Variants in ACYP2 observed in about 807,000 individuals in gnomAD.
The protein encoded by ACYP2 is acylphosphatase 2, also known as acylphosphatase-2.
Under a neutral mutation model 11.2 loss-of-function variants are expected in ACYP2, and 12 were observed. That is an observed-to-expected ratio of 1.08 (90% CI 0.69 to 1.74). The LOEUF (loss-of-function observed/expected upper bound fraction) is 1.74. Among genes scored for constraint, ACYP2 ranks in the 40% most tolerant of loss-of-function variants. ACYP2 has a pLI of 0.00. For missense variants in ACYP2, 134 were observed against 101.9 expected, an observed-to-expected ratio of 1.31 and a Z score of -1.35; for synonymous variants, 43 against 32.2, an observed-to-expected ratio of 1.33 and a Z score of -1.13.
rs555443940 is a variant in ACYP2 at position 54,073,204 on chromosome 2, G to A, written c.277+15844G>A. Among the ~76,000 whole-genome samples, 8 of 152,176 alleles carry A rather than the reference G, an allele frequency of 5.3e-5. No homozygotes were observed. In the South Asian group the frequency reaches 8.3e-4, roughly 16 times the overall value. ...TATCTACATACAAATGAATGAAGGC[G>A]GACTCTGACTTCACACCATATGTAA... is the stretch of plus-strand genomic sequence containing the variant. On this transcript the variant is annotated intron_variant, in intron 4 of 6. Coordinates refer to ENST00000607452, the MANE Select transcript of ACYP2 (RefSeq NM_001320586.2).
chr2:54,190,916 C>G (rs1338871195), intron 6 of ACYP2, among the ~76,000 whole-genome samples: 1 of 152,154 alleles, frequency 6.6e-6, no homozygotes, highest in Non-Finnish European at 1.5e-5. Context: ...GCAAAAGTCC[C>G]TTTCTTATAG....
intron 4 of ACYP2, among the ~76,000 whole-genome samples, chr2:54,061,824 G>A (rs28368466): frequency 0.15 from 22,040 of 151,942 alleles, 1,709 homozygotes; most frequent in African/African-American, 0.2. Context: ...CTGTAGTCCC[G>A]TCATTTTGAG....
intron 6 of ACYP2, among the ~76,000 whole-genome samples, chr2:54,200,076 T>C (rs1684693237): frequency 6.6e-6 from 1 of 152,248 alleles, no homozygotes; most frequent in Non-Finnish European, 1.5e-5. Flanking sequence ...GATATCTTTA[T>C]ACAGCTTTGC....
At chr2:54,233,741 T>G (rs1686346907) in intron 6 of ACYP2, among the ~76,000 whole-genome samples, 1 of 152,218 alleles carries the variant, frequency 6.6e-6, no homozygotes, top group South Asian at 2.1e-4. Flanking sequence ...TAAATTAACT[T>G]TCCATTTCTG....
chr2:54,180,651 C>T (rs1335182807), intron 6 of ACYP2, among the ~76,000 whole-genome samples: 1 of 152,110 alleles, frequency 6.6e-6, no homozygotes, highest in Non-Finnish European at 1.5e-5. Context: ...ACCTCCTGGG[C>T]TCAAACAATC....
At chr2:53,984,727 T>C (rs1671943147) in intron 2 of ACYP2, among the ~76,000 whole-genome samples, 1 of 151,654 alleles carries the variant, frequency 6.6e-6, no homozygotes, top group South Asian at 2.1e-4. Context: ...TAGTTCAATG[T>C]CAGAAAATCT....
chr2:54,261,290 A>ATAAT (rs144800312), intron 6 of ACYP2, among the ~76,000 whole-genome samples: 2,193 of 152,304 alleles, frequency 0.014, 49 homozygotes, highest in African/African-American at 0.048. Context: ...TATTCTGGCT[A>ATAAT]TAATTTTTTT....
intron 6 of ACYP2, among the ~76,000 whole-genome samples, chr2:54,226,574 C>T (rs1686020401): frequency 6.6e-6 from 1 of 152,184 alleles, no homozygotes; most frequent in Non-Finnish European, 1.5e-5. Flanking sequence ...ATTTCTTAGG[C>T]TTGGGTCACA....
intron 6 of ACYP2, among the ~76,000 whole-genome samples, chr2:54,157,425 T>C (rs1006615625): frequency 1.7e-4 from 26 of 152,320 alleles, no homozygotes; most frequent in African/African-American, 6.0e-4. Flanking sequence ...TTCAGATTTA[T>C]AGACAAATTA....
chr2:54,304,895 A>T lies in ACYP2; in HGVS notation c.*93A>T, dbSNP rs1558681946. 7 of 580,918 alleles carry T rather than the reference A, an allele frequency of 1.2e-5. No homozygotes were observed. The highest frequency in any genetic ancestry group is 6.4e-5 in the East Asian group (2 of 31,450). The allele number at this position is 580,918 out of a possible 1,614,324, so 36.0% of individuals were successfully genotyped here. ...ATAATAGTAGCAGAGTAGGGTGAAA[A>T]GGAACTTTCTGTTCTGAAAGCTAAG... is the stretch of plus-strand genomic sequence containing the variant. On this transcript the variant is annotated 3_prime_UTR_variant, in exon 7 of 7. Transcript: ENST00000607452.
chr2:54,259,079 T>C (rs1399089466), intron 6 of ACYP2, among the ~76,000 whole-genome samples: 1 of 152,144 alleles, frequency 6.6e-6, no homozygotes, highest in Non-Finnish European at 1.5e-5. Flanking sequence ...CCTCCCAGCA[T>C]GGGGTGTAAG....
At chr2:54,230,245 T>G (rs2103964818) in intron 6 of ACYP2, among the ~76,000 whole-genome samples, 1 of 152,334 alleles carries the variant, frequency 6.6e-6, no homozygotes. Context: ...GGCACCCTTT[T>G]AAGTCCCAAA....
intron 2 of ACYP2, among the ~76,000 whole-genome samples, chr2:54,002,222 G>C (rs1426192997): frequency 6.6e-6 from 1 of 152,066 alleles, no homozygotes; most frequent in Non-Finnish European, 1.5e-5. Flanking sequence ...CCACAGTTTA[G>C]ACTTTTCCAG....
At position 54,063,485 on chromosome 2, in the gene ACYP2, G is replaced by T. The variant is rs1028593835; in HGVS notation, c.277+6125G>T. Among the ~76,000 whole-genome samples the T allele has an allele frequency of 2.0e-5, 3 of 152,264 alleles. No individual in the cohort carries two copies. The East Asian group carries it at 5.8e-4, about 29-fold the overall frequency. ...GCATCAACAAGCAACCTGTCCCTCTGGCCTCAGGCTGGGTTTGACCCAGGA... is the reference window on the plus strand; with the variant it reads ...GCATCAACAAGCAACCTGTCCCTCTTGCCTCAGGCTGGGTTTGACCCAGGA... On this transcript the variant is annotated intron_variant, in intron 4 of 6. Coordinates refer to ENST00000607452, the MANE Select transcript of ACYP2 (RefSeq NM_001320586.2).
chr2:54,202,676 G>A (rs1684898454), intron 6 of ACYP2, among the ~76,000 whole-genome samples: 1 of 137,368 alleles, frequency 7.3e-6, no homozygotes, highest in Non-Finnish European at 1.5e-5. Context: ...CCAAAGTGCT[G>A]GGATTACAGG....
chr2:54,038,464 G>A (rs1675029323), intron 2 of ACYP2, among the ~76,000 whole-genome samples: 1 of 151,652 alleles, frequency 6.6e-6, no homozygotes, highest in South Asian at 2.1e-4. Context: ...CTTACTAAGT[G>A]CGTGGTGCTA....
chr2:54,166,091 T>C (rs1390171824), intron 6 of ACYP2, among the ~76,000 whole-genome samples: 1 of 152,192 alleles, frequency 6.6e-6, no homozygotes, highest in Admixed American at 6.5e-5. Flanking sequence ...GCCTCATTCT[T>C]AATGCTCTTA....
At chr2:54,288,602 T>G (rs548608875) in intron 6 of ACYP2, among the ~76,000 whole-genome samples, 20 of 152,056 alleles carry the variant, frequency 1.3e-4, no homozygotes, top group Non-Finnish European at 2.2e-4. Flanking sequence ...CATGGTATTC[T>G]AGTTTATAAA....
At chr2:54,166,148 C>A (rs370364545) in intron 6 of ACYP2, among the ~76,000 whole-genome samples, 1 of 152,134 alleles carries the variant, frequency 6.6e-6, no homozygotes, top group Admixed American at 6.5e-5. Context: ...TCAAGGAAAC[C>A]AAAGTGTGTG....
Sources: allele counts gnomAD v4.1 joint callset (sites outside exome capture counted in the v4.1 genomes callset), GRCh38; gene constraint gnomAD v4.1.1; transcripts MANE v1.5; gene names NCBI Gene and HGNC (gene_info 2026-07-23, HGNC 2026-07-21).